PFKFB2: variants seen among roughly 807,000 people sequenced by gnomAD.
PFKFB2 encodes the protein 6-phosphofructo-2-kinase/fructose-2,6-bisphosphatase 2.
In PFKFB2, 53 loss-of-function variants were observed where a neutral mutation model predicts 68.0. The ratio of observed to expected loss-of-function variants is 0.78; its 90% confidence interval spans 0.63 to 0.98. PFKFB2 has a LOEUF of 0.98. PFKFB2 is among the 50% of genes least tolerant of loss of function. PFKFB2 has a pLI of 0.00. For synonymous variants in PFKFB2, 222 were observed against 227.6 expected, an observed-to-expected ratio of 0.98 and a Z score of 0.22; for missense variants, 451 against 642.0, an observed-to-expected ratio of 0.70 and a Z score of 3.22.
chr1:207,050,532 C>G (rs988360834), upstream of PFKFB2, among the ~76,000 whole-genome samples: 1 of 152,188 alleles, frequency 6.6e-6, no homozygotes, highest in African/African-American at 2.4e-5. Context: ...GCCCTGGCCC[C>G]CGTCAGCATT....
intron 3 of PFKFB2, among the ~76,000 whole-genome samples, chr1:207,062,309 T>C (rs1683142090): frequency 6.6e-6 from 1 of 152,214 alleles, no homozygotes; most frequent in Admixed American, 6.5e-5. Flanking sequence ...AAGATTTAGA[T>C]GAGCATAGGG....
At chr1:207,061,694 C>T (rs1395402857) in intron 2 of PFKFB2, among the ~76,000 whole-genome samples, 1 of 152,092 alleles carries the variant, frequency 6.6e-6, no homozygotes, top group Non-Finnish European at 1.5e-5. Context: ...CCATCCTGGC[C>T]AACATGGTGA....
Position 207,072,980 on chromosome 1 carries a change from T to C in PFKFB2, c.*609T>C, listed in dbSNP as rs896443930. 2.0e-6 allele frequency: 2 copies of C among 985,466 alleles called. No individual in the cohort carries two copies. Among genetic ancestry groups the C allele is most frequent in the Non-Finnish European group, 2.4e-6 (2 of 830,126 alleles). The allele number at this position is 985,466 out of a possible 1,614,324, so 61.0% of individuals were successfully genotyped here. ...CCCAGTTAATGCTTTCTGCAGTGGG[T>C]CTAAATGGATCTGGACTGGAGGAGT... On this transcript the variant is annotated 3_prime_UTR_variant, in exon 15 of 15. Transcript: ENST00000367080.
Position 207,073,431 on chromosome 1 carries a change from T to C in PFKFB2, c.*1060T>C. 1.0e-6 allele frequency: 1 copy of C among 985,438 alleles called. No homozygotes were observed. The highest frequency in any genetic ancestry group is 1.7e-5 in the African/African-American group (1 of 57,358). 61.0% of individuals were successfully genotyped at this position (985,438 alleles called of 1,614,324 possible). On this transcript the variant is annotated 3_prime_UTR_variant, in exon 15 of 15. Coordinates refer to ENST00000367080, the MANE Select transcript of PFKFB2 (RefSeq NM_006212.2). ...TCAGGAGTCACCACTGATGTTTGAG[T>C]TGCTCAAGGCAAGAGGCAGAGAAGA... is the stretch of plus-strand genomic sequence containing the variant.
chr1:207,058,243 T>A (rs974480541), intron 2 of PFKFB2, among the ~76,000 whole-genome samples: 1 of 152,210 alleles, frequency 6.6e-6, no homozygotes, highest in Non-Finnish European at 1.5e-5. Flanking sequence ...AGATAAAATG[T>A]CACTAATGAA....
chr1:207,070,212 T>C lies in PFKFB2; in HGVS notation c.1093-68T>C. The C allele has an allele frequency of 6.3e-7, 1 of 1,587,460 alleles. No individual in the cohort carries two copies. Among genetic ancestry groups the C allele is most frequent in the Non-Finnish European group, 8.6e-7 (1 of 1,163,350 alleles). ...AAGAAGTGGCCCTTAGTCTCCAAGG[T>C]CCAGCCACTGACTTGGCTGCCAGCT... On this transcript the variant is annotated intron_variant, in intron 11 of 14. Transcript: ENST00000367080. This position sits in a 1 kb window ranked among gnomAD's most constrained non-coding sequence, Gnocchi z 4.2.
chr1:207,035,319 G>T, intron 1 of PFKFB2: 1 of 380,530 alleles, frequency 2.6e-6, no homozygotes, highest in Non-Finnish European at 3.6e-6. Context: ...TAGTCCATTT[G>T]CATTGCTATA....
intron 1 of PFKFB2, among the ~76,000 whole-genome samples, chr1:207,035,663 A>T (rs1682360919): frequency 6.7e-6 from 1 of 148,260 alleles, no homozygotes. Context: ...AAAAACAAAC[A>T]AACAAACAAA....
At chr1:207,049,608 C>T (rs1682684279), upstream of PFKFB2, 1 of 1,614,132 alleles carries the variant, frequency 6.2e-7, no homozygotes, top group African/African-American at 1.3e-5. Flanking sequence ...CTGCTGGGAC[C>T]ACGGTTCTGG....
chr1:207,041,690 A>G (rs558258214), intron 1 of PFKFB2, among the ~76,000 whole-genome samples: 1 of 152,324 alleles, frequency 6.6e-6, no homozygotes, highest in Admixed American at 6.5e-5. Flanking sequence ...GCTGCAATAA[A>G]CATATGTGTG....
chr1:207,075,872 C>G lies in PFKFB2; in HGVS notation c.*3501C>G. ...TAAAGCAGATTTAGAGAACCTGCTT[C>G]TCTTCTTATCTCCTAATCCCTAAAT... On this transcript the variant is annotated 3_prime_UTR_variant, in exon 15 of 15. Transcript: ENST00000367080. The G allele has an allele frequency of 1.0e-6, 1 of 984,546 alleles. No individual in the cohort carries two copies. The highest frequency in any genetic ancestry group is 1.2e-6 in the Non-Finnish European group (1 of 829,094). The allele number at this position is 984,546 out of a possible 1,614,324, so 61.0% of individuals were successfully genotyped here. A position where few individuals can be genotyped will look rare whatever the true frequency, so the allele number is the denominator to read the frequency against.
upstream of PFKFB2, among the ~76,000 whole-genome samples, chr1:207,050,450 T>C (rs1397307412): frequency 2.0e-5 from 3 of 152,110 alleles, no homozygotes; most frequent in Non-Finnish European, 4.4e-5. Flanking sequence ...GAAAGCGGAA[T>C]GGGGAAGGGG....
chr1:207,039,927 G>C (rs1435281416), intron 1 of PFKFB2, among the ~76,000 whole-genome samples: 1 of 152,192 alleles, frequency 6.6e-6, no homozygotes, highest in Non-Finnish European at 1.5e-5. Context: ...GAGATGCTGA[G>C]AGGCTGAGTG....
chr1:207,065,470 C>T (rs1683257940), intron 8 of PFKFB2, among the ~76,000 whole-genome samples: 1 of 151,920 alleles, frequency 6.6e-6, no homozygotes, highest in South Asian at 2.1e-4. Context: ...CCCACCTCAG[C>T]CTCCTGAGTA....
In PFKFB2 at chr1:207,063,895, G is replaced by GTGTGT. The variant is rs904709652; in HGVS notation, c.507+67_507+71dup. 1.0e-6 allele frequency: 1 copy of GTGTGT among 997,154 alleles called. No individual in the cohort carries two copies. Among genetic ancestry groups the GTGTGT allele is most frequent in the African/African-American group, 1.6e-5 (1 of 63,066 alleles). 61.8% of individuals were successfully genotyped at this position (997,154 alleles called of 1,614,324 possible). A position where few individuals can be genotyped will look rare whatever the true frequency, so the allele number is the denominator to read the frequency against. ...GTGCTGTGTGTGTTGTGGGGTGTGT[G>GTGTGT]TGTGTGTGTGTGTGTGTGTGTTGTT... On this transcript the variant is annotated intron_variant, in intron 7 of 14. Coordinates refer to ENST00000367080, the MANE Select transcript of PFKFB2 (RefSeq NM_006212.2). This position sits in a 1 kb window ranked among gnomAD's most constrained non-coding sequence, Gnocchi z 4.1.
At chr1:207,054,629 T>TGCAC in intron 1 of PFKFB2, 72 bp from the exon 2 acceptor site, 1 of 1,006,936 alleles carries the variant, frequency 9.9e-7, no homozygotes, top group Non-Finnish European at 1.5e-6. Context: ...ACGGATCCAA[T>TGCAC]GCACTGACTT....
rs1389660213 is a variant in PFKFB2, at chr1:207,063,370, C to T, written c.399C>T (p.Thr133=). 7 of 1,613,648 alleles carry T rather than the reference C, an allele frequency of 4.3e-6. No individual in the cohort carries two copies. The South Asian group carries it at 6.6e-5, about 15-fold the overall frequency. The change falls in exon 6 of 15, where the codon ACC becomes ACT. Residue 133 remains threonine, a synonymous_variant. Transcript: ENST00000367080. The surrounding 1 kb of genome is among the most constrained non-coding windows in gnomAD (Gnocchi z 4.1). ...QIAVFDATNT[T]RERRDMILNF... Reference sequence around the variant, plus strand: ...AGGTGTTTGATGCCACCAATACAACCCGGGAGAGGAGGGACATGATTTTGA... The same window carrying T: ...AGGTGTTTGATGCCACCAATACAACTCGGGAGAGGAGGGACATGATTTTGA...
chr1:207,068,103 T>TGTGTGTGTGA, intron 9 of PFKFB2, 60 bp from the exon 10 acceptor site: 1 of 1,372,618 alleles, frequency 7.3e-7, no homozygotes. Flanking sequence ...TGAGTGTGTG[T>TGTGTGTGTGA]GTGTGTGTGT....
intron 8 of PFKFB2, among the ~76,000 whole-genome samples, chr1:207,067,048 A>G (rs543826508): frequency 6.6e-6 from 1 of 152,370 alleles, no homozygotes; most frequent in East Asian, 1.9e-4. Context: ...AGGTAGATGC[A>G]GGGAGTATAT....
Sources: allele counts gnomAD v4.1 joint callset (sites outside exome capture counted in the v4.1 genomes callset), GRCh38; gene constraint gnomAD v4.1.1; non-coding constraint Gnocchi (gnomAD v3.1); transcripts MANE v1.5; gene names NCBI Gene and HGNC (gene_info 2026-07-23, HGNC 2026-07-21).